ELOVL4: variants seen among roughly 807,000 people sequenced by gnomAD.
ELOVL4 encodes ELOVL fatty acid elongase 4.
A neutral mutation model predicts 42.1 loss-of-function variants in ELOVL4; 18 were observed. That is an observed-to-expected ratio of 0.43 (90% CI 0.30 to 0.63). The LOEUF (loss-of-function observed/expected upper bound fraction) is 0.63. ELOVL4 is among the 30% of genes least tolerant of loss of function. ELOVL4 has a pLI of 0.15. For missense variants in ELOVL4, 299 were observed against 376.2 expected, an observed-to-expected ratio of 0.79 and a Z score of 1.70; for synonymous variants, 117 against 127.0, an observed-to-expected ratio of 0.92 and a Z score of 0.53.
intron 1 of ELOVL4, among the ~76,000 whole-genome samples, chr6:79,938,881 A>G (rs1774592681): frequency 6.6e-6 from 1 of 152,242 alleles, no homozygotes; most frequent in African/African-American, 2.4e-5. Context: ...TTGCTTGGCT[A>G]GTGTGACGGG....
intron 1 of ELOVL4, among the ~76,000 whole-genome samples, chr6:79,940,186 A>G (rs1774623145): frequency 1.3e-5 from 2 of 152,198 alleles, no homozygotes; most frequent in African/African-American, 4.8e-5. Context: ...AAAATCACAA[A>G]TGCTTTTATG....
chr6:79,917,715 G>C (rs1321071068), intron 5 of ELOVL4, among the ~76,000 whole-genome samples: 1 of 152,116 alleles, frequency 6.6e-6, no homozygotes, highest in Non-Finnish European at 1.5e-5. Flanking sequence ...CAGCTACTCA[G>C]GAGGCTGAAG....
intron 1 of ELOVL4, among the ~76,000 whole-genome samples, chr6:79,929,004 G>T (rs1003424533): frequency 6.6e-6 from 1 of 152,130 alleles, no homozygotes; most frequent in Non-Finnish European, 1.5e-5. Context: ...AAGCCACCAT[G>T]ACCAGCTGAC....
intron 1 of ELOVL4, among the ~76,000 whole-genome samples, chr6:79,928,943 C>T (rs1459619935): frequency 6.6e-6 from 1 of 151,716 alleles, no homozygotes; most frequent in African/African-American, 2.4e-5. Flanking sequence ...CTGTTGTTCT[C>T]TCATTCAACA....
chr6:79,930,068 C>T (rs566219083), intron 1 of ELOVL4, among the ~76,000 whole-genome samples: 2 of 152,330 alleles, frequency 1.3e-5, no homozygotes, highest in East Asian at 3.9e-4. Context: ...AGATCCTCCT[C>T]TATGCTGGCA....
intron 3 of ELOVL4, among the ~76,000 whole-genome samples, chr6:79,924,044 C>A (rs1774301754): frequency 6.6e-6 from 1 of 151,834 alleles, no homozygotes; most frequent in Admixed American, 6.6e-5. Context: ...TAGTATGAAC[C>A]ACAGTATATA....
At chr6:79,932,190 T>C (rs1257247874) in intron 1 of ELOVL4, among the ~76,000 whole-genome samples, 1 of 152,186 alleles carries the variant, frequency 6.6e-6, no homozygotes, top group Non-Finnish European at 1.5e-5. Context: ...TTTGTCAAAA[T>C]TCAAAAACTG....
chr6:79,946,458 G>C (rs776806304), intron 1 of ELOVL4, among the ~76,000 whole-genome samples: 1 of 152,156 alleles, frequency 6.6e-6, no homozygotes, highest in African/African-American at 2.4e-5. Flanking sequence ...AGGTGTTGCT[G>C]TAGAGACCCC....
At chr6:79,934,001 T>G (rs1035261748) in intron 1 of ELOVL4, among the ~76,000 whole-genome samples, 4 of 152,014 alleles carry the variant, frequency 2.6e-5, no homozygotes, top group Non-Finnish European at 5.9e-5. Flanking sequence ...CATAACAGAG[T>G]AAAGGAAGAG....
At position 79,926,181 on chromosome 6, in the gene ELOVL4, C is replaced by T. The variant is rs1774339331; in HGVS notation, c.288+13G>A. The T allele has an allele frequency of 6.2e-7, 1 of 1,607,172 alleles. No individual in the cohort carries two copies. The highest frequency in any genetic ancestry group is 1.1e-5 in the South Asian group (1 of 90,906). ...AACCTTGGAAAATTATTAAAGTGAT[C>T]TTAAAAACATACCTCTCTGAAGATA... is the stretch of plus-strand genomic sequence containing the variant. On this transcript the variant is annotated intron_variant, in intron 2 of 5. Transcript: ENST00000369816.
At chr6:79,932,787 T>A (rs538246568) in intron 1 of ELOVL4, among the ~76,000 whole-genome samples, 1 of 152,280 alleles carries the variant, frequency 6.6e-6, no homozygotes, top group East Asian at 1.9e-4. Context: ...GACATGAGAA[T>A]TCAACTGCTA....
chr6:79,939,643 C>T (rs1774609524), intron 1 of ELOVL4, among the ~76,000 whole-genome samples: 1 of 152,010 alleles, frequency 6.6e-6, no homozygotes, highest in Non-Finnish European at 1.5e-5. Flanking sequence ...TCTCCCTCAG[C>T]CTTCTCAATA....
At position 79,932,294 on chromosome 6, in the gene ELOVL4, A is replaced by C. The variant is rs572878677; in HGVS notation, c.101-5913T>G. Among the ~76,000 whole-genome samples the C allele has an allele frequency of 1.8e-4, 28 of 152,258 alleles. 2 individuals are homozygous for C. In the South Asian group the frequency reaches 5.2e-3, roughly 28 times the overall value. ...AGTGGCTCACGCCTGTAATCCCAGCACTTTGGGAGGCCGAGGCAGGCGAAT... is the reference window on the plus strand; with the variant it reads ...AGTGGCTCACGCCTGTAATCCCAGCCCTTTGGGAGGCCGAGGCAGGCGAAT... On this transcript the variant is annotated intron_variant, in intron 1 of 5. Transcript: ENST00000369816.
At chr6:79,925,270 T>C (rs936112454) in intron 2 of ELOVL4, among the ~76,000 whole-genome samples, 4 of 152,198 alleles carry the variant, frequency 2.6e-5, no homozygotes, top group African/African-American at 9.6e-5. Flanking sequence ...ACATTGACTC[T>C]ATCTATTAAA....
At position 79,947,534 on chromosome 6, in the gene ELOVL4, A is replaced by C; in HGVS notation, c.-255T>G. On this transcript the variant is annotated 5_prime_UTR_variant, in exon 1 of 6. Transcript: ENST00000369816. ...GTGGAGGAGGCCCAGCCGCCAGCAC[A>C]GTGCGCTGCACCAGTCTGCAGCCTC... 3.9e-6 allele frequency: 2 copies of C among 508,724 alleles called. No individual in the cohort carries two copies. The highest frequency in any genetic ancestry group is 7.1e-6 in the Non-Finnish European group (2 of 280,502). The allele number at this position is 508,724 out of a possible 1,614,324, so 31.5% of individuals were successfully genotyped here. A position where few individuals can be genotyped will look rare whatever the true frequency, so the allele number is the denominator to read the frequency against.
rs1184907478 is a variant in ELOVL4, at chr6:79,915,379, A to G, written c.*1229T>C. The stretch of plus-strand genomic sequence containing the variant: ...TTGTGTTTTAACAACACCTTGTAAC[A>G]TCAAGCATTGAATTTAACAATCTTT... On this transcript the variant is annotated 3_prime_UTR_variant, in exon 6 of 6. Coordinates refer to ENST00000369816, the MANE Select transcript of ELOVL4 (RefSeq NM_022726.4). 2.6e-5 allele frequency: 4 copies of G among 152,590 alleles called. No homozygotes were observed. The highest frequency in any genetic ancestry group is 9.6e-5 in the African/African-American group (4 of 41,464). 9.5% of individuals were successfully genotyped at this position (152,590 alleles called of 1,614,324 possible). A position where few individuals can be genotyped will look rare whatever the true frequency, so the allele number is the denominator to read the frequency against.
intron 1 of ELOVL4, among the ~76,000 whole-genome samples, chr6:79,932,850 C>T (rs1052048060): frequency 6.6e-6 from 1 of 151,984 alleles, no homozygotes; most frequent in Admixed American, 6.6e-5. Flanking sequence ...AGTGGTAGGA[C>T]AGAAAAGGGG....
chr6:79,935,982 A>T (rs1774535388), intron 1 of ELOVL4, among the ~76,000 whole-genome samples: 1 of 152,180 alleles, frequency 6.6e-6, no homozygotes, highest in Admixed American at 6.5e-5. Flanking sequence ...TTTTAATAAG[A>T]TTCCACAGTG....
At chr6:79,939,014 T>G (rs1271695518) in intron 1 of ELOVL4, among the ~76,000 whole-genome samples, 1 of 152,182 alleles carries the variant, frequency 6.6e-6, no homozygotes, top group African/African-American at 2.4e-5. Flanking sequence ...ATGGAAAAAA[T>G]GCCTTCAAGG....
Sources: allele counts gnomAD v4.1 joint callset (sites outside exome capture counted in the v4.1 genomes callset), GRCh38; gene constraint gnomAD v4.1.1; transcripts MANE v1.5; gene names NCBI Gene and HGNC (gene_info 2026-07-23, HGNC 2026-07-21).